Variants in PSD2 observed in about 807,000 individuals in gnomAD.
PSD2 encodes PH and SEC7 domain-containing protein 2.
A neutral mutation model predicts 69.8 loss-of-function variants in PSD2; 38 were observed. The observed-to-expected ratio is 0.54, with a 90% CI of 0.42 to 0.71. The LOEUF is 0.71. Ranked by LOEUF, PSD2 falls within the 30% of genes least tolerant of loss-of-function variation. The probability of loss-of-function intolerance (pLI) is 0.00; values close to 1 mark genes in which losing one functional copy is unlikely to be tolerated. For synonymous variants in PSD2, 412 were observed against 423.0 expected, an observed-to-expected ratio of 0.97 and a Z score of 0.32; for missense variants, 943 against 1,014.5, an observed-to-expected ratio of 0.93 and a Z score of 0.96.
At chr5:139,750,352 A>G in the PSD2 span, among the ~76,000 whole-genome samples, 11 of 151,886 alleles carry the variant, frequency 7.2e-5, no homozygotes, top group African/African-American at 2.7e-4. Context: ...ACAAAAAAAA[A>G]CCCAAAATAT....
chr5:139,801,007 C>G (rs918668648), intron 1 of PSD2, among the ~76,000 whole-genome samples: 1 of 152,122 alleles, frequency 6.6e-6, no homozygotes. Flanking sequence ...GAGTTCAAGA[C>G]CAGCCTGGCC....
chr5:139,805,903 G>A (rs150160241), intron 1 of PSD2, among the ~76,000 whole-genome samples: 157 of 152,278 alleles, frequency 1.0e-3, no homozygotes, highest in African/African-American at 3.7e-3. Context: ...AGAGGATTAT[G>A]AGGAGGGAGG....
At chr5:139,809,343 A>G in intron 1 of PSD2, 48 bp from the exon 2 acceptor site, 6 of 1,440,574 alleles carry the variant, frequency 4.2e-6, no homozygotes, top group Non-Finnish European at 5.6e-6. Context: ...GGTGCCCCCC[A>G]GCCCCAGTCC....
rs757380924 is a variant in PSD2, at chr5:139,809,747, G to C, written c.307G>C (p.Val103Leu). ...SAESRPWRAG[V>L]LAEGDNASRS... Reference sequence around the variant, plus strand: ...GGAGTCCAGGCCCTGGAGGGCTGGCGTGCTGGCAGAGGGGGACAATGCTTC... The same window carrying C: ...GGAGTCCAGGCCCTGGAGGGCTGGCCTGCTGGCAGAGGGGGACAATGCTTC... The change falls in exon 2 of 15, where the codon GTG becomes CTG. Residue 103 changes from valine to leucine, a missense_variant. Physicochemically the swap from Val to Leu is conservative, Grantham distance 32. This residue lies in a region of PSD2 where 466 missense variants were observed against 445.0 expected (regional missense o/e 1.05). Coordinates refer to ENST00000274710, the MANE Select transcript of PSD2 (RefSeq NM_032289.4). 1.2e-6 allele frequency: 2 copies of C among 1,614,090 alleles called. No individual in the cohort carries two copies. The highest frequency in any genetic ancestry group is 1.7e-6 in the Non-Finnish European group (2 of 1,180,024).
intron 2 of PSD2, among the ~76,000 whole-genome samples, 193 bp from the exon 3 acceptor site, chr5:139,813,116 C>G (rs902515046): frequency 2.6e-5 from 4 of 152,228 alleles, no homozygotes; most frequent in African/African-American, 9.6e-5. Flanking sequence ...CTGCTCTTTT[C>G]CCTGCAGTAT....
chr5:139,800,243 C>G (rs1356424869), intron 1 of PSD2, among the ~76,000 whole-genome samples: 1 of 152,252 alleles, frequency 6.6e-6, no homozygotes, highest in Non-Finnish European at 1.5e-5. Flanking sequence ...AATGCCTGGC[C>G]TACCCCACTC....
At position 139,844,226 on chromosome 5, in the gene PSD2, C is replaced by T. The variant is rs1167565553; in HGVS notation, c.*1752C>T. The T allele has an allele frequency of 2.6e-5, 4 of 152,166 alleles. No individual in the cohort carries two copies. Among genetic ancestry groups the T allele is most frequent in the African/African-American group, 2.4e-5 (1 of 41,442 alleles). 9.4% of individuals were successfully genotyped at this position (152,166 alleles called of 1,614,324 possible). ...TGTCCCACCCTTCACTTCCCGAGGG[C>T]GGGTGAGTGGAGAGCAGAGCCAGGA... On this transcript the variant is annotated 3_prime_UTR_variant, in exon 15 of 15. Coordinates refer to ENST00000274710, the MANE Select transcript of PSD2 (RefSeq NM_032289.4).
At chr5:139,761,276 C>T in the PSD2 span, among the ~76,000 whole-genome samples, 3 of 152,228 alleles carry the variant, frequency 2.0e-5, no homozygotes, top group African/African-American at 7.2e-5. Context: ...GGCGAAGTCA[C>T]TTGCTCAATG....
the PSD2 span, among the ~76,000 whole-genome samples, chr5:139,764,618 C>A: frequency 6.6e-6 from 1 of 152,196 alleles, no homozygotes; most frequent in African/African-American, 2.4e-5. Flanking sequence ...TCCCCCGGCG[C>A]CCCGCAGTGG....
At chr5:139,822,902 G>A in intron 7 of PSD2, 118 bp downstream of exon 7, 1 of 835,984 alleles carries the variant, frequency 1.2e-6, no homozygotes, top group Non-Finnish European at 1.7e-6. Context: ...TGAAGCGGTG[G>A]GGGTTGGGCA....
chr5:139,783,841 G>A, the PSD2 span, among the ~76,000 whole-genome samples: 1 of 151,478 alleles, frequency 6.6e-6, no homozygotes, highest in Non-Finnish European at 1.5e-5. Flanking sequence ...CTCTTTGTTT[G>A]GCTTACAGGA....
rs1318767898 is a variant in PSD2, at chr5:139,840,043, C to T, written c.1985C>T (p.Ser662Phe). 6.2e-7 allele frequency: 1 copy of T among 1,614,202 alleles called. No homozygotes were observed. The highest frequency in any genetic ancestry group is 1.7e-5 in the Admixed American group (1 of 60,026). ...TRLCQEEQLRSHENKLRQLTA... is the reference protein window; with the variant it reads ...TRLCQEEQLRFHENKLRQLTA... ...TCTTTGCAGGAGGAGCAACTGCGGT[C>T]TCATGAGAATAAGTTGAGGCAGCTG... Residue 662 changes from serine to phenylalanine, a missense_variant, in exon 14 of 15, where the codon TCT (serine) becomes TTT (phenylalanine). This residue lies in a region of PSD2 where 165 missense variants were observed against 168.8 expected (regional missense o/e 0.98). Coordinates refer to ENST00000274710, the MANE Select transcript of PSD2 (RefSeq NM_032289.4).
intron 7 of PSD2, among the ~76,000 whole-genome samples, chr5:139,830,989 T>A (rs1161347582): frequency 6.6e-6 from 1 of 152,082 alleles, no homozygotes. Flanking sequence ...CTTGCCAACT[T>A]TTTGTCTGCT....
upstream of PSD2, among the ~76,000 whole-genome samples, chr5:139,792,400 G>A (rs1759429368): frequency 6.6e-6 from 1 of 152,140 alleles, no homozygotes; most frequent in Admixed American, 6.6e-5. Flanking sequence ...TGCCCAAGGT[G>A]CTGACCATGC....
intron 7 of PSD2, among the ~76,000 whole-genome samples, chr5:139,833,164 TG>T (rs1760633252): frequency 6.6e-6 from 1 of 152,138 alleles, no homozygotes; most frequent in Non-Finnish European, 1.5e-5. Context: ...CCAAGAGGCC[TG>T]GGTTCAAGTC....
chr5:139,779,168 T>C, the PSD2 span, among the ~76,000 whole-genome samples: 1 of 152,160 alleles, frequency 6.6e-6, no homozygotes, highest in Non-Finnish European at 1.5e-5. Context: ...GGGGAACAAG[T>C]GGTGTTTGGT....
the PSD2 span, among the ~76,000 whole-genome samples, chr5:139,774,652 G>T: frequency 2.0e-5 from 3 of 152,080 alleles, no homozygotes; most frequent in African/African-American, 4.8e-5. Flanking sequence ...CACCACGCCC[G>T]GCTAATTTTT....
At position 139,813,645 on chromosome 5, in the gene PSD2, C is replaced by T; in HGVS notation, c.708C>T (p.Ser236=). 1.2e-6 allele frequency: 2 copies of T among 1,613,970 alleles called. No individual in the cohort carries two copies. The highest frequency in any genetic ancestry group is 1.7e-6 in the Non-Finnish European group (2 of 1,179,986). ...GCAGCCGCTCTGAGAATGTCCTGAG[C>T]CGCCTGTCTCTCATGGCCATGCCCA... The part of the protein sequence containing the change: ...ISSSRSENVL[S]RLSLMAMPNG... Residue 236 remains serine (S), a synonymous_variant, in exon 3 of 15, where the codon AGC becomes AGT. Coordinates refer to ENST00000274710, the MANE Select transcript of PSD2 (RefSeq NM_032289.4).
rs773387541 is a variant in PSD2, at chr5:139,836,937, T to G, written c.1530T>G (p.Ser510Arg). The change falls in exon 10 of 15, where the codon AGT (serine) becomes AGG (arginine). Residue 510 changes from serine to arginine, a missense_variant. Ser to Arg is a moderately radical substitution (Grantham distance 110). This residue lies in a region of PSD2 where 312 missense variants were observed against 400.7 expected (regional missense o/e 0.78). Coordinates refer to ENST00000274710, the MANE Select transcript of PSD2 (RefSeq NM_032289.4). Reference sequence around the variant, plus strand: ...TCCTGGATGTCCCACAGGCGCTCAGTGCCACCACCTACAAGCACGGCGTCC... The same window carrying G: ...TCCTGGATGTCCCACAGGCGCTCAGGGCCACCACCTACAAGCACGGCGTCC... ...NPFLDVPQALSATTYKHGVLT... is the reference protein window; with the variant it reads ...NPFLDVPQALRATTYKHGVLT... 1.2e-6 allele frequency: 2 copies of G among 1,614,098 alleles called. No individual in the cohort carries two copies. The highest frequency in any genetic ancestry group is 2.2e-5 in the South Asian group (2 of 91,078).
Sources: allele counts gnomAD v4.1 joint callset (sites outside exome capture counted in the v4.1 genomes callset), GRCh38; gene constraint gnomAD v4.1.1; regional missense constraint gnomAD v4.1.1; transcripts MANE v1.5; gene names NCBI Gene and HGNC (gene_info 2026-07-23, HGNC 2026-07-21).